SLC16A12: variants seen among roughly 807,000 people sequenced by gnomAD.
SLC16A12 encodes solute carrier family 16 member 12, also known as monocarboxylate transporter 12.
SLC16A12 carries 17 observed loss-of-function variants against 42.4 expected under a neutral mutation model. The ratio of observed to expected loss-of-function variants is 0.40; its 90% CI spans 0.27 to 0.60. SLC16A12 has a LOEUF of 0.60. SLC16A12 is among the 20% of genes least tolerant of loss of function. The pLI is 0.42. For missense variants in SLC16A12, 544 were observed against 623.0 expected (o/e 0.87, Z 1.35); for synonymous variants, 224 against 229.4 (o/e 0.98, Z 0.21).
intron 2 of SLC16A12, among the ~76,000 whole-genome samples, chr10:89,554,815 G>A (rs1843799188): frequency 6.6e-6 from 1 of 152,110 alleles, no homozygotes; most frequent in African/African-American, 2.4e-5. Context: ...ATTTATGTTA[G>A]CTATCTGGCC....
intron 2 of SLC16A12, among the ~76,000 whole-genome samples, chr10:89,486,730 C>A (rs28366938): frequency 0.3 from 39,508 of 133,558 alleles, 7,538 homozygotes; most frequent in African/African-American, 0.5. Context: ...AAGAGAAAAA[C>A]GAAATAAGTA....
chr10:89,445,169 G>A (rs567186386), intron 3 of SLC16A12, among the ~76,000 whole-genome samples: 1 of 152,366 alleles, frequency 6.6e-6, no homozygotes, highest in South Asian at 2.1e-4. Context: ...CTGAACAAAA[G>A]GGAGCAGAAA....
intron 2 of SLC16A12, among the ~76,000 whole-genome samples, chr10:89,490,613 G>A (rs80219855): frequency 0.017 from 2,575 of 152,258 alleles, 37 homozygotes; most frequent in Middle Eastern, 0.044. Flanking sequence ...GGTATGGGGG[G>A]CCGGGATTGG....
intron 2 of SLC16A12, among the ~76,000 whole-genome samples, chr10:89,509,734 T>G (rs773890469): frequency 5.3e-5 from 8 of 152,240 alleles, no homozygotes; most frequent in Non-Finnish European, 1.0e-4. Context: ...TTGGAAGTTC[T>G]GCCCAGGGCC....
chr10:89,467,468 C>T (rs1048857995), intron 2 of SLC16A12, among the ~76,000 whole-genome samples: 2 of 152,114 alleles, frequency 1.3e-5, no homozygotes, highest in Admixed American at 6.6e-5. Flanking sequence ...AAATGTTTAA[C>T]AACCGGGAAG....
chr10:89,493,656 G>C (rs1842880649), intron 2 of SLC16A12, among the ~76,000 whole-genome samples: 1 of 152,188 alleles, frequency 6.6e-6, no homozygotes, highest in African/African-American at 2.4e-5. Flanking sequence ...TAAGCTAAGA[G>C]AGCTGTCAAA....
chr10:89,510,372 G>C (rs1402380159), intron 2 of SLC16A12, among the ~76,000 whole-genome samples: 1 of 152,124 alleles, frequency 6.6e-6, no homozygotes, highest in African/African-American at 2.4e-5. Flanking sequence ...GCATGGTACT[G>C]GTACCAAAAC....
At chr10:89,456,686 A>G (rs1311568484) in intron 3 of SLC16A12, among the ~76,000 whole-genome samples, 1 of 151,936 alleles carries the variant, frequency 6.6e-6, no homozygotes. Context: ...ATTTTTCCTG[A>G]TGCTCTCCCT....
upstream of SLC16A12, among the ~76,000 whole-genome samples, chr10:89,539,818 G>A (rs1050395493): frequency 6.6e-5 from 10 of 151,464 alleles, no homozygotes; most frequent in Non-Finnish European, 1.5e-4. Context: ...CATGGACAAG[G>A]AAATAGTGAA....
intron 2 of SLC16A12, among the ~76,000 whole-genome samples, chr10:89,486,656 AAAGAAAGAAAAG>A (rs1378441010): frequency 0.035 from 3,967 of 114,904 alleles, 156 homozygotes; most frequent in African/African-American, 0.054. Context: ...AGAAAGAAAG[AAAGAAAGAAAAG>A]AAAGAAAGAA....
At chr10:89,476,293 T>C (rs1842578069) in intron 2 of SLC16A12, among the ~76,000 whole-genome samples, 1 of 152,200 alleles carries the variant, frequency 6.6e-6, no homozygotes, top group Admixed American at 6.5e-5. Context: ...AGTGCTGCTC[T>C]CCATACCACG....
At chr10:89,547,945 G>A (rs1843750251) in intron 2 of SLC16A12, among the ~76,000 whole-genome samples, 1 of 124,758 alleles carries the variant, frequency 8.0e-6, no homozygotes, top group South Asian at 2.7e-4. Flanking sequence ...CCTAGATCAA[G>A]CCACTGCACT....
chr10:89,487,978 A>G (rs899661514), intron 2 of SLC16A12, among the ~76,000 whole-genome samples: 14 of 135,468 alleles, frequency 1.0e-4, no homozygotes, highest in African/African-American at 3.0e-4. Context: ...ATATATATAT[A>G]TATATATATA....
Position 89,436,208 on chromosome 10 carries a change from A to T in SLC16A12, c.1140T>A (p.Ser380=). Residue 380 remains serine, a synonymous_variant, in exon 7 of 8, where the codon TCT becomes TCA. Transcript: ENST00000371790. ...LQSLPLLVPF[S]CTFGYFDGAY... is the part of the protein sequence containing the mutation. ...CACCATCAAAGTAGCCAAAGGTACA[A>T]GAGAAAGGCACGAGCAGAGGGAGAC... The T allele has an allele frequency of 2.5e-6, 4 of 1,614,186 alleles. No homozygotes were observed. The highest frequency in any genetic ancestry group is 3.4e-6 in the Non-Finnish European group (4 of 1,180,018).
chr10:89,538,029 T>C (rs1405217394), upstream of SLC16A12, among the ~76,000 whole-genome samples: 1 of 152,260 alleles, frequency 6.6e-6, no homozygotes, highest in African/African-American at 2.4e-5. Flanking sequence ...GGGTCACTTC[T>C]GTGTGCCTAC....
At chr10:89,555,499 A>T (rs550449758) in intron 2 of SLC16A12, among the ~76,000 whole-genome samples, 1 of 140,750 alleles carries the variant, frequency 7.1e-6, no homozygotes, top group African/African-American at 2.6e-5. Flanking sequence ...ATATATACGT[A>T]TATACGTATA....
At chr10:89,445,114 G>A (rs1003680588) in intron 3 of SLC16A12, among the ~76,000 whole-genome samples, 3 of 152,212 alleles carry the variant, frequency 2.0e-5, no homozygotes, top group African/African-American at 7.2e-5. Context: ...ACTGGGTGGA[G>A]CCCACTGCAG....
chr10:89,473,178 G>C (rs1419177721), intron 2 of SLC16A12, among the ~76,000 whole-genome samples: 1 of 151,328 alleles, frequency 6.6e-6, no homozygotes, highest in East Asian at 1.9e-4. Context: ...AATCTATATG[G>C]AACTGCAAAT....
At chr10:89,436,898 AAG>A (rs1437537678) in intron 6 of SLC16A12, among the ~76,000 whole-genome samples, 5 of 149,266 alleles carry the variant, frequency 3.3e-5, no homozygotes, top group African/African-American at 1.0e-4. Flanking sequence ...GAAAGAAAGA[AAG>A]AAAGAAAGAA....
Sources: gnomAD v4.1 joint callset for allele counts (sites outside exome capture counted in the v4.1 genomes callset) on GRCh38, gnomAD v4.1.1 for gene constraint, MANE v1.5 for transcripts, NCBI Gene and HGNC (gene_info 2026-07-23, HGNC 2026-07-21) for gene names.